NXN: variants seen among roughly 807,000 people sequenced by gnomAD.
NXN encodes the protein nucleoredoxin 1.
A neutral mutation model predicts 48.6 loss-of-function variants in NXN; 16 were observed. The ratio of observed to expected loss-of-function variants is 0.33; its 90% confidence interval spans 0.22 to 0.50. The LOEUF is 0.50. Among genes scored for constraint, NXN ranks in the 20% least tolerant of loss-of-function variants. NXN has a pLI of 0.98. For missense variants in NXN, 492 were observed against 605.5 expected (o/e 0.81, Z 1.97); for synonymous variants, 281 against 269.6 (o/e 1.04, Z -0.41).
chr17:890,044 A>G (rs142188318), intron 1 of NXN, among the ~76,000 whole-genome samples: 1 of 152,314 alleles, frequency 6.6e-6, no homozygotes, highest in East Asian at 1.9e-4. Context: ...AAGAAACTGA[A>G]TTCAACACAA....
chr17:871,674 G>A (rs1283563643), intron 1 of NXN, among the ~76,000 whole-genome samples: 1 of 151,880 alleles, frequency 6.6e-6, no homozygotes, highest in Non-Finnish European at 1.5e-5. Flanking sequence ...CAAAGTGCTG[G>A]GTACAGGCAT....
Position 800,782 on chromosome 17 carries a change from C to G in NXN, c.*167G>C. On this transcript the variant is annotated 3_prime_UTR_variant, in exon 8 of 8. Coordinates refer to ENST00000336868, the MANE Select transcript of NXN (RefSeq NM_022463.5). Reference sequence around the variant, plus strand: ...ACTCTGCCGCTGCTGATTCCACACCCCAGGGTGCTGGCTGAGGAGTTTACT... The same window carrying G: ...ACTCTGCCGCTGCTGATTCCACACCGCAGGGTGCTGGCTGAGGAGTTTACT... The G allele has an allele frequency of 2.3e-6, 1 of 429,898 alleles. No individual in the cohort carries two copies. Among genetic ancestry groups the G allele is most frequent in the Non-Finnish European group, 4.0e-6 (1 of 248,624 alleles). The allele number at this position is 429,898 out of a possible 1,614,324, so 26.6% of individuals were successfully genotyped here.
At chr17:952,008 T>C (rs1165396830) in intron 1 of NXN, among the ~76,000 whole-genome samples, 1 of 152,136 alleles carries the variant, frequency 6.6e-6, no homozygotes, top group East Asian at 1.9e-4. Flanking sequence ...CGGTCAGCCA[T>C]CCATCACCAC....
intron 6 of NXN, among the ~76,000 whole-genome samples, chr17:804,335 T>G (rs1451858847): frequency 2.2e-5 from 3 of 135,274 alleles, no homozygotes; most frequent in Non-Finnish European, 4.5e-5. Flanking sequence ...CAGGCTGGAG[T>G]GCAGTGGTGC....
At chr17:947,732 CA>C (rs1159185042) in intron 1 of NXN, among the ~76,000 whole-genome samples, 3,187 of 36,696 alleles carry the variant, frequency 0.087, 95 homozygotes, top group African/African-American at 0.24. Context: ...GGCTCCCTCT[CA>C]AAAAAAAAAA....
intron 1 of NXN, among the ~76,000 whole-genome samples, chr17:859,901 G>A (rs960256465): frequency 1.1e-4 from 16 of 152,108 alleles, no homozygotes; most frequent in Admixed American, 7.9e-4. Flanking sequence ...CTGTTCTAAT[G>A]TGTCTCCTCT....
chr17:895,606 A>G (rs1382567772), intron 1 of NXN, among the ~76,000 whole-genome samples: 4 of 149,788 alleles, frequency 2.7e-5, no homozygotes, highest in Non-Finnish European at 5.9e-5. Context: ...GGGTCAGGAG[A>G]TCAAGACCAT....
chr17:847,993 CTACATAAAGTTGT>C (rs2067883094), intron 1 of NXN, among the ~76,000 whole-genome samples: 1 of 152,006 alleles, frequency 6.6e-6, no homozygotes, highest in South Asian at 2.1e-4. Flanking sequence ...TCTCTTTCTG[CTACATAAAGTTGT>C]TACAAAACGG....
rs536638727 is a variant in NXN at position 885,766 on chromosome 17, T to C, written c.361-59688A>G. 5.7e-4 allele frequency among the ~76,000 whole-genome samples: 83 copies of C among 145,416 alleles called. 1 individual carries two copies. The East Asian group carries it at 0.01, about 18-fold the overall frequency. On this transcript the variant is annotated intron_variant, in intron 1 of 7. Coordinates refer to ENST00000336868, the MANE Select transcript of NXN (RefSeq NM_022463.5). ...CGCAATCTCAGCTCACTGCAAGCTC[T>C]GCCTCCCGGGTTCACGCCATTCTCC...
chr17:810,168 AGTCTGTGACTGGCGTGCATGTTACG>A (rs1911880134), intron 5 of NXN, among the ~76,000 whole-genome samples: 3 of 97,106 alleles, frequency 3.1e-5, no homozygotes, highest in Non-Finnish European at 5.9e-5. Flanking sequence ...GCACGTTACG[AGTCTGTGACTGGCGTGCATGTTACG>A]AGTCTGTGAG....
At chr17:928,555 G>A (rs771247234) in intron 1 of NXN, among the ~76,000 whole-genome samples, 2 of 152,180 alleles carry the variant, frequency 1.3e-5, no homozygotes, top group African/African-American at 2.4e-5. Context: ...GTACTGGAAG[G>A]TTGGGCGCGG....
intron 1 of NXN, among the ~76,000 whole-genome samples, chr17:894,192 T>C (rs112182822): frequency 5.1e-5 from 1 of 19,644 alleles, no homozygotes; most frequent in Non-Finnish European, 9.1e-5. Flanking sequence ...AGAGGAAGCA[T>C]CTCAAACGCC....
chr17:858,737 A>G (rs1054437907), intron 1 of NXN, among the ~76,000 whole-genome samples: 1 of 152,092 alleles, frequency 6.6e-6, no homozygotes, highest in East Asian at 1.9e-4. Flanking sequence ...TCAAAAAAAA[A>G]AAAGAAAGAA....
At chr17:824,776 G>A (rs572093417) in intron 2 of NXN, among the ~76,000 whole-genome samples, 3 of 152,276 alleles carry the variant, frequency 2.0e-5, no homozygotes, top group South Asian at 2.1e-4. Context: ...TACGCTTCCC[G>A]CTCAACTGAA....
At chr17:969,778 TA>T (rs1385443343) in intron 1 of NXN, among the ~76,000 whole-genome samples, 5 of 150,660 alleles carry the variant, frequency 3.3e-5, no homozygotes, top group Admixed American at 1.3e-4. Context: ...AAAGACAAAT[TA>T]AAAAAAAATG....
chr17:850,479 A>G (rs893933193), intron 1 of NXN, among the ~76,000 whole-genome samples: 5 of 152,226 alleles, frequency 3.3e-5, no homozygotes, highest in Admixed American at 3.3e-4. Flanking sequence ...TGTGGGTCCA[A>G]GGAAGGTGGC....
rs57751580 is a variant in NXN, at chr17:815,990, C to T, written c.820+3449G>A. On this transcript the variant is annotated intron_variant, in intron 5 of 7. Transcript: ENST00000336868. ...ATCACCTCCTGGTGTATAAGGGGAA[C>T]AGGGATTAGAAGAAACCCAGGATAT... Among the ~76,000 whole-genome samples the T allele has an allele frequency of 9.1e-3, 1,380 of 152,208 alleles. 13 individuals are homozygous for T. Among genetic ancestry groups the T allele is most frequent in the African/African-American group, 0.031 (1,272 of 41,490 alleles).
At position 805,234 on chromosome 17, in the gene NXN, G is replaced by T; in HGVS notation, c.834C>A (p.Leu278=). Residue 278 remains leucine (L), a synonymous_variant, in exon 6 of 8, where the codon CTC becomes CTA. Transcript: ENST00000336868. ...CCTCGCCCTGCGGGTCCAGCATGAT[G>T]AGCGTGGGGATGCCTGCAGGGAAGA... ...RLYGIQGIPT[L]IMLDPQGEVI... 6.2e-7 allele frequency: 1 copy of T among 1,610,506 alleles called. No individual in the cohort carries two copies. Among genetic ancestry groups the T allele is most frequent in the Non-Finnish European group, 8.5e-7 (1 of 1,178,786 alleles).
chr17:852,256 G>A lies in NXN; in HGVS notation c.361-26178C>T, dbSNP rs111453224. Among the ~76,000 whole-genome samples, 571 of 152,236 alleles carry A rather than the reference G, an allele frequency of 3.8e-3. 5 individuals are homozygous for A. The highest frequency in any genetic ancestry group is 0.012 in the African/African-American group (517 of 41,542). ...ACACCTCCTCACAAGTCCCATCAGC[G>A]AGAACCTGCCTCAGCCACAGCCTCA... is the stretch of plus-strand genomic sequence containing the variant. On this transcript the variant is annotated intron_variant, in intron 1 of 7. Coordinates refer to ENST00000336868, the MANE Select transcript of NXN (RefSeq NM_022463.5).
Sources: allele counts gnomAD v4.1 joint callset (sites outside exome capture counted in the v4.1 genomes callset), GRCh38; gene constraint gnomAD v4.1.1; transcripts MANE v1.5; gene names NCBI Gene and HGNC (gene_info 2026-07-23, HGNC 2026-07-21).